Variants in MRC2 observed in about 807,000 individuals in gnomAD.
The protein encoded by MRC2 is C-type mannose receptor 2.
MRC2 carries 84 observed loss-of-function variants against 206.2 expected under a neutral mutation model. The ratio of observed to expected loss-of-function variants is 0.41; its 90% CI spans 0.34 to 0.49. The LOEUF is 0.49. Ranked by LOEUF, MRC2 falls within the 20% of genes least tolerant of loss-of-function variation. The pLI, the probability that MRC2 is intolerant of heterozygous loss-of-function variation, is 0.31. For missense variants in MRC2, 1,676 were observed against 2,001.5 expected, an observed-to-expected ratio of 0.84 and a Z score of 3.10; for synonymous variants, 798 against 800.0, an observed-to-expected ratio of 1.00 and a Z score of 0.04.
chr17:62,650,888 A>G (rs928912841), intron 1 of MRC2, among the ~76,000 whole-genome samples: 2 of 152,170 alleles, frequency 1.3e-5, no homozygotes, highest in Admixed American at 1.3e-4. Flanking sequence ...TGATTTGCCT[A>G]GAGAAGCAAA....
At position 62,667,116 on chromosome 17, in the gene MRC2, C is replaced by A. The variant is rs1228721647; in HGVS notation, c.973+246C>A. On this transcript the variant is annotated intron_variant, in intron 5 of 29. Transcript: ENST00000303375. The surrounding 1 kb of genome is among the most constrained non-coding windows in gnomAD (Gnocchi z 4.1). ...TCACCTCTTCAGCCACCCCTGTGGGCAGCGGGCACCAGCGCACCCAGCAGC... is the reference window on the plus strand; with the variant it reads ...TCACCTCTTCAGCCACCCCTGTGGGAAGCGGGCACCAGCGCACCCAGCAGC... Among the ~76,000 whole-genome samples, 3 of 152,170 alleles carry A rather than the reference C, an allele frequency of 2.0e-5. No individual in the cohort carries two copies. Among genetic ancestry groups the A allele is most frequent in the Admixed American group, 1.3e-4 (2 of 15,282 alleles).
intron 13 of MRC2, 152 bp downstream of exon 13, chr17:62,678,798 CCATCTTGTCCT>C: frequency 8.9e-7 from 1 of 1,124,282 alleles, no homozygotes; most frequent in Non-Finnish European, 1.2e-6. Context: ...GGTGCCAGGA[CCATCTTGTCCT>C]CACTCAAGTA....
intron 28 of MRC2, 74 bp downstream of exon 28, chr17:62,691,202 G>A: frequency 1.3e-6 from 2 of 1,483,852 alleles, no homozygotes; most frequent in South Asian, 2.6e-5. Flanking sequence ...GCTGGGGGCT[G>A]CTTCACAACT....
At chr17:62,638,524 G>A (rs1229695984) in intron 1 of MRC2, among the ~76,000 whole-genome samples, 1 of 151,916 alleles carries the variant, frequency 6.6e-6, no homozygotes, top group Admixed American at 6.6e-5. Flanking sequence ...CGGATCACGA[G>A]GTCAGGAGTT....
At chr17:62,637,152 CAGG>C (rs1472211434) in intron 1 of MRC2, among the ~76,000 whole-genome samples, 2 of 152,212 alleles carry the variant, frequency 1.3e-5, no homozygotes, top group Non-Finnish European at 2.9e-5. Flanking sequence ...CACCTGAAGT[CAGG>C]AGTTCAAGAC....
intron 18 of MRC2, 90 bp downstream of exon 18, chr17:62,681,219 G>GC: frequency 6.9e-7 from 1 of 1,453,108 alleles, no homozygotes; most frequent in Admixed American, 2.0e-5. Context: ...ATCCAGCCCT[G>GC]CCCCTTCCTT....
At chr17:62,679,474 T>G (rs1229944647) in intron 13 of MRC2, 1 of 194,410 alleles carries the variant, frequency 5.1e-6, no homozygotes, top group Non-Finnish European at 1.1e-5. Context: ...CCTCCTCATC[T>G]GAACTTCCTA....
At chr17:62,678,240 C>T (rs1168215410) in intron 12 of MRC2, among the ~76,000 whole-genome samples, 2 of 152,190 alleles carry the variant, frequency 1.3e-5, no homozygotes, top group African/African-American at 4.8e-5. Flanking sequence ...GACTTACCCA[C>T]GTTAAGCTGT....
At chr17:62,689,241 G>A in intron 23 of MRC2, 1 of 586,404 alleles carries the variant, frequency 1.7e-6, no homozygotes, top group Non-Finnish European at 3.0e-6. Context: ...GGACCCTGAG[G>A]TTCCAGGTCC....
chr17:62,668,351 T>G (rs2147468284), intron 6 of MRC2, among the ~76,000 whole-genome samples: 1 of 123,500 alleles, frequency 8.1e-6, no homozygotes, highest in East Asian at 2.5e-4. Flanking sequence ...GACGAGACCC[T>G]GCCTCAAAAA....
At chr17:62,643,553 C>T (rs1252860127) in intron 1 of MRC2, among the ~76,000 whole-genome samples, 2 of 152,010 alleles carry the variant, frequency 1.3e-5, no homozygotes, top group Middle Eastern at 3.4e-3. Context: ...ATGAGAAAAA[C>T]GCAGGAACCT....
chr17:62,661,256 G>T (rs936751892), intron 1 of MRC2, among the ~76,000 whole-genome samples: 2 of 152,196 alleles, frequency 1.3e-5, no homozygotes, highest in East Asian at 1.9e-4. Context: ...GAAGAATGAT[G>T]AATTATCTTT....
intron 12 of MRC2, 88 bp downstream of exon 12, chr17:62,677,574 C>G (rs2088909880): frequency 8.3e-7 from 1 of 1,211,070 alleles, no homozygotes; most frequent in East Asian, 2.5e-5. Flanking sequence ...GGACCAGCCA[C>G]AATCCAGAGA....
intron 1 of MRC2, among the ~76,000 whole-genome samples, chr17:62,633,694 A>T (rs1360243620): frequency 7.0e-6 from 1 of 142,250 alleles, no homozygotes; most frequent in African/African-American, 2.6e-5. Context: ...AAAAAAAAAA[A>T]GCTGGGTGTC....
chr17:62,650,905 C>G (rs2088548493), intron 1 of MRC2, among the ~76,000 whole-genome samples: 1 of 152,064 alleles, frequency 6.6e-6, no homozygotes, highest in African/African-American at 2.4e-5. Context: ...CAAATACTGG[C>G]ACAGTGCTGT....
intron 1 of MRC2, among the ~76,000 whole-genome samples, chr17:62,628,325 G>T (rs923492893): frequency 1.3e-5 from 2 of 152,170 alleles, no homozygotes; most frequent in Admixed American, 6.5e-5. Flanking sequence ...GAGTTCCCGG[G>T]CCCAGTCTCC....
intron 6 of MRC2, among the ~76,000 whole-genome samples, chr17:62,669,195 A>G (rs576709032): frequency 6.6e-6 from 1 of 152,000 alleles, no homozygotes; most frequent in Non-Finnish European, 1.5e-5. Flanking sequence ...AGTCTTGCCA[A>G]TGATCGACTC....
At chr17:62,650,405 G>C (rs2088542282) in intron 1 of MRC2, among the ~76,000 whole-genome samples, 1 of 152,208 alleles carries the variant, frequency 6.6e-6, no homozygotes, top group Admixed American at 6.5e-5. Context: ...CTGGCACCCT[G>C]CAGGCATGCT....
rs372836512 is a variant in MRC2, at chr17:62,666,470, C to T, written c.710C>T (p.Thr237Ile). The change falls in exon 4 of 30, where the codon ACC becomes ATC. Residue 237 changes from threonine to isoleucine, a missense_variant. By Grantham distance (89) the Thr-to-Ile change is moderately conservative. Coordinates refer to ENST00000303375, the MANE Select transcript of MRC2 (RefSeq NM_006039.5). The surrounding 1 kb of genome is among the most constrained non-coding windows in gnomAD (Gnocchi z 5.0). The part of the protein sequence containing the change: ...FCPIKSNDCE[T>I]FWDKDQLTDS... ...GTGGTGGCAGGTAACGACTGCGAGACCTTCTGGGACAAGGACCAGCTGACT... is the reference window on the plus strand; with the variant it reads ...GTGGTGGCAGGTAACGACTGCGAGATCTTCTGGGACAAGGACCAGCTGACT... 77 of 1,613,888 alleles carry T rather than the reference C, an allele frequency of 4.8e-5. No homozygotes were observed. The highest frequency in any genetic ancestry group is 1.6e-4 in the Middle Eastern group (1 of 6,068).
Sources: allele counts gnomAD v4.1 joint callset (sites outside exome capture counted in the v4.1 genomes callset), GRCh38; gene constraint gnomAD v4.1.1; non-coding constraint Gnocchi (gnomAD v3.1); transcripts MANE v1.5; gene names NCBI Gene and HGNC (gene_info 2026-07-23, HGNC 2026-07-21).